The following CXADR variants were observed in gnomAD, a reference collection of about 807,000 sequenced individuals.
The protein encoded by CXADR is CXADR cell adhesion molecule, also known as coxsackievirus and adenovirus receptor.
In CXADR, 20 loss-of-function variants were observed where a neutral mutation model predicts 40.3. The observed-to-expected ratio is 0.50, with a 90% confidence interval of 0.35 to 0.72. The LOEUF (loss-of-function observed/expected upper bound fraction) is 0.72, where lower values mean the gene tolerates loss of function less well. Ranked by LOEUF, CXADR falls within the 30% of genes least tolerant of loss-of-function variation. The pLI is 0.01. For missense variants in CXADR, 332 were observed against 449.1 expected (o/e 0.74, Z 2.36); for synonymous variants, 150 against 161.3 (o/e 0.93, Z 0.53).
chr21:17,578,895 G>T (rs1405701620), intron 7 of CXADR, among the ~76,000 whole-genome samples: 2 of 152,110 alleles, frequency 1.3e-5, no homozygotes, highest in African/African-American at 4.8e-5. Context: ...CCTATGTAAG[G>T]TTCAAATCAT....
chr21:17,536,533 CCTT>C (rs2060760078), intron 1 of CXADR, among the ~76,000 whole-genome samples: 1 of 152,106 alleles, frequency 6.6e-6, no homozygotes, highest in Non-Finnish European at 1.5e-5. Context: ...TGAGCTCCCT[CCTT>C]CTACTTGTCC....
At chr21:17,593,254 A>AC in exon 8 of CXADR, 1 of 1,328,258 alleles carries the variant, frequency 7.5e-7, no homozygotes. Flanking sequence ...GGCCTCTAGT[A>AC]AAGACTTAAA....
intron 6 of CXADR, among the ~76,000 whole-genome samples, chr21:17,564,041 A>G (rs1408307045): frequency 6.6e-6 from 1 of 151,798 alleles, no homozygotes; most frequent in East Asian, 1.9e-4. Context: ...ACAAAAATGC[A>G]GTAAGTATCT....
rs1194236359 is a variant in CXADR at position 17,559,668 on chromosome 21, GGTT to G, written c.571+538_571+540del. ...TTAGTTACTTTGGTACTTTTTTTTG[GGTT>G]TTTTTTTTTTTTTTTTTTTTCCGAG... On this transcript the variant is annotated intron_variant, in intron 4 of 6. Coordinates refer to ENST00000284878, the MANE Select transcript of CXADR (RefSeq NM_001338.5). 3.5e-3 allele frequency among the ~76,000 whole-genome samples: 369 copies of G among 106,194 alleles called. 25 individuals are homozygous for G. The highest frequency in any genetic ancestry group is 0.011 in the Middle Eastern group (2 of 182). The allele number at this position is 106,194 out of a possible 152,430, so 69.7% of individuals were successfully genotyped here. A position where few individuals can be genotyped will look rare whatever the true frequency, so the allele number is the denominator to read the frequency against.
chr21:17,537,851 C>T (rs189421600), intron 1 of CXADR, among the ~76,000 whole-genome samples: 7 of 152,008 alleles, frequency 4.6e-5, no homozygotes, highest in East Asian at 3.9e-4. Context: ...AGAGGGTGAG[C>T]GCAGTTTCAG....
At chr21:17,582,236 T>G (rs528044904) in intron 7 of CXADR, among the ~76,000 whole-genome samples, 2 of 152,206 alleles carry the variant, frequency 1.3e-5, no homozygotes, top group Non-Finnish European at 2.9e-5. Flanking sequence ...GGTCTCGAAC[T>G]GCTAACCGCA....
At chr21:17,553,359 G>C (rs1209740776) in intron 3 of CXADR, among the ~76,000 whole-genome samples, 2 of 152,144 alleles carry the variant, frequency 1.3e-5, no homozygotes, top group Non-Finnish European at 2.9e-5. Context: ...GCATTGTCTT[G>C]GTAGATAGAC....
Position 17,568,645 on chromosome 21 carries a change from C to A in CXADR, c.*2953C>A. 1 of 984,394 alleles carries A rather than the reference C, an allele frequency of 1.0e-6. No individual in the cohort carries two copies. Among genetic ancestry groups the A allele is most frequent in the Non-Finnish European group, 1.2e-6 (1 of 829,676 alleles). The allele number at this position is 984,394 out of a possible 1,614,324, so 61.0% of individuals were successfully genotyped here. A position where few individuals can be genotyped will look rare whatever the true frequency, so the allele number is the denominator to read the frequency against. ...GGCTCAGGAGATCCTCCTGCCTTGG[C>A]CTCCCAAATTGCTGGGATTACAGGT... On this transcript the variant is annotated 3_prime_UTR_variant, in exon 7 of 7. Transcript: ENST00000284878.
intron 3 of CXADR, among the ~76,000 whole-genome samples, chr21:17,558,390 C>A (rs534221940): frequency 6.6e-6 from 1 of 152,248 alleles, no homozygotes; most frequent in South Asian, 2.1e-4. Context: ...GTCTTGGCCT[C>A]CAAAGTGCTG....
Position 17,569,357 on chromosome 21 carries a change from C to G in CXADR, c.*3665C>G, listed in dbSNP as rs1046726557. The G allele has an allele frequency of 5.1e-6, 5 of 975,634 alleles. No individual in the cohort carries two copies. In the African/African-American group the frequency reaches 9.1e-5, roughly 18 times the overall value. The allele number at this position is 975,634 out of a possible 1,614,324, so 60.4% of individuals were successfully genotyped here. On this transcript the variant is annotated 3_prime_UTR_variant, in exon 7 of 7. Coordinates refer to ENST00000284878, the MANE Select transcript of CXADR (RefSeq NM_001338.5). ...ATTTTAACTTCTTAGTGGCTTGTGA[C>G]ATTATATATTATATATATATATGTA...
intron 1 of CXADR, chr21:17,519,043 C>G: frequency 7.6e-7 from 1 of 1,311,472 alleles, no homozygotes; most frequent in Non-Finnish European, 1.1e-6. Flanking sequence ...CAGCACGCGG[C>G]AAGAGCAAGA....
At chr21:17,583,485 A>T (rs1457344115) in intron 7 of CXADR, among the ~76,000 whole-genome samples, 1 of 152,126 alleles carries the variant, frequency 6.6e-6, no homozygotes, top group African/African-American at 2.4e-5. Context: ...TGTTTTTCAG[A>T]TTTTCTCCAA....
At position 17,547,139 on chromosome 21, in the gene CXADR, G is replaced by A. The variant is rs770672919; in HGVS notation, c.156G>A (p.Pro52=). 5.0e-6 allele frequency: 8 copies of A among 1,614,036 alleles called. No individual in the cohort carries two copies. The highest frequency in any genetic ancestry group is 1.1e-5 in the South Asian group (1 of 91,082). The change falls in exon 2 of 7, where the codon CCG becomes CCA. Residue 52 remains proline, a synonymous_variant. Coordinates refer to ENST00000284878, the MANE Select transcript of CXADR (RefSeq NM_001338.5). The part of the protein sequence containing the change: ...KFTLSPEDQG[P]LDIEWLISPA... ...CGCTTAGTCCCGAAGACCAGGGACC[G>A]CTGGACATCGAGTGGCTGATATCAC...
intron 2 of CXADR, among the ~76,000 whole-genome samples, chr21:17,548,623 T>C (rs1333134593): frequency 9.9e-5 from 15 of 151,848 alleles, no homozygotes; most frequent in Non-Finnish European, 3.0e-5. Context: ...GTGCGTAAGA[T>C]AGGGGAAGCC....
At chr21:17,554,738 G>A (rs1442679224) in intron 3 of CXADR, among the ~76,000 whole-genome samples, 2 of 152,156 alleles carry the variant, frequency 1.3e-5, no homozygotes, top group African/African-American at 2.4e-5. Flanking sequence ...TGGAAATTCT[G>A]CCTGGATTAT....
At chr21:17,628,482 C>G in the CXADR span, among the ~76,000 whole-genome samples, 1 of 151,886 alleles carries the variant, frequency 6.6e-6, no homozygotes, top group Non-Finnish European at 1.5e-5. Context: ...AGTCTGAAGG[C>G]AGAAAAACGT....
At chr21:17,547,315 A>G (rs1222383522) in intron 2 of CXADR, 122 bp downstream of exon 2, 3 of 1,391,498 alleles carry the variant, frequency 2.2e-6, no homozygotes, top group Non-Finnish European at 2.9e-6. Context: ...CCAACTTCTC[A>G]GGCTTTATGG....
In CXADR at chr21:17,534,789, C is replaced by CTTTTTTTTTTTTTTT. The variant is rs11427595; in HGVS notation, c.44-12224_44-12223insTTTTTTTTTTTTTTT. Among the ~76,000 whole-genome samples, 19 of 131,926 alleles carry CTTTTTTTTTTTTTTT rather than the reference C, an allele frequency of 1.4e-4. 2 individuals carry two copies. The highest frequency in any genetic ancestry group is 2.6e-4 in the African/African-American group (9 of 34,778). 86.5% of individuals were successfully genotyped at this position (131,926 alleles called of 152,430 possible). A position where few individuals can be genotyped will look rare whatever the true frequency, so the allele number is the denominator to read the frequency against. On this transcript the variant is annotated intron_variant, in intron 1 of 6. Transcript: ENST00000284878. The stretch of plus-strand genomic sequence containing the variant: ...CTGATTTGTCTAACTTATTTTCTTC[C>CTTTTTTTTTTTTTTT]TTTTTTTTTTTTTTGAGAAGGACTC...
Position 17,561,386 on chromosome 21 carries a change from T to A in CXADR, c.743T>A (p.Leu248His). The change falls in exon 6 of 7, where the codon CTT becomes CAT. Residue 248 changes from leucine (L) to histidine (H), a missense_variant. Transcript: ENST00000284878. ...GCAGGAGCCATTATAGGAACTTTGCTTGCTCTAGCGCTCATTGGTCTTATC... is the reference window on the plus strand; with the variant it reads ...GCAGGAGCCATTATAGGAACTTTGCATGCTCTAGCGCTCATTGGTCTTATC... Reference protein sequence around the residue: ...LIAGAIIGTLLALALIGLIIF... With the variant: ...LIAGAIIGTLHALALIGLIIF... The A allele has an allele frequency of 6.2e-7, 1 of 1,607,578 alleles. No homozygotes were observed. Among genetic ancestry groups the A allele is most frequent in the Non-Finnish European group, 8.5e-7 (1 of 1,177,170 alleles).
Sources: gnomAD v4.1 joint callset for allele counts (sites outside exome capture counted in the v4.1 genomes callset) on GRCh38, gnomAD v4.1.1 for gene constraint, MANE v1.5 for transcripts, NCBI Gene and HGNC (gene_info 2026-07-23, HGNC 2026-07-21) for gene names.